Variants in SUN3 observed in about 807,000 individuals in gnomAD.
The protein encoded by SUN3 is Sad1 and UNC84 domain containing 3, also known as SUN domain-containing protein 3.
A neutral mutation model predicts 48.2 loss-of-function variants in SUN3; 36 were observed. That is an observed-to-expected ratio of 0.75 (90% CI 0.57 to 0.99). The LOEUF (loss-of-function observed/expected upper bound fraction) is 0.99, where lower values mean the gene tolerates loss of function less well. SUN3 is among the 50% of genes least tolerant of loss of function. The pLI, the probability that SUN3 is intolerant of heterozygous loss-of-function variation, is 0.00. For missense variants in SUN3, 419 were observed against 433.1 expected, an observed-to-expected ratio of 0.97 and a Z score of 0.29; for synonymous variants, 148 against 147.9, an observed-to-expected ratio of 1.00 and a Z score of 0.00.
chr7:48,006,339 C>T (rs1789524854), intron 5 of SUN3, among the ~76,000 whole-genome samples: 1 of 152,060 alleles, frequency 6.6e-6, no homozygotes, highest in Non-Finnish European at 1.5e-5. Flanking sequence ...GAAGCCCTAA[C>T]CACTGGCATC....
chr7:48,019,998 A>AAAAG (rs1789945793), intron 2 of SUN3, among the ~76,000 whole-genome samples: 3 of 147,884 alleles, frequency 2.0e-5, no homozygotes, highest in Admixed American at 6.7e-5. Context: ...AAAAAAAAAA[A>AAAAG]AAAGAAAGAA....
At chr7:47,993,535 G>T (rs745677856) in intron 8 of SUN3, among the ~76,000 whole-genome samples, 10 of 152,132 alleles carry the variant, frequency 6.6e-5, no homozygotes, top group Non-Finnish European at 1.3e-4. Flanking sequence ...AAAACAGTAT[G>T]CAAAGTTAAA....
chr7:47,992,201 A>C (rs1789085011), intron 8 of SUN3, among the ~76,000 whole-genome samples: 1 of 152,152 alleles, frequency 6.6e-6, no homozygotes. Flanking sequence ...CCGGCTTTGC[A>C]CCGCCTAGCA....
At position 48,000,897 on chromosome 7, in the gene SUN3, G is replaced by A. The variant is rs113064313; in HGVS notation, c.578-4751C>T. 3.0e-3 allele frequency among the ~76,000 whole-genome samples: 447 copies of A among 149,066 alleles called. 6 individuals carry two copies. Among genetic ancestry groups the A allele is most frequent in the African/African-American group, 0.01 (416 of 40,718 alleles). On this transcript the variant is annotated intron_variant, in intron 6 of 9. Coordinates refer to ENST00000297325, the MANE Select transcript of SUN3 (RefSeq NM_001030019.2). The stretch of plus-strand genomic sequence containing the variant: ...TTTTTTTTTAAATCGAGTTTGAGAT[G>A]TTTTTAGCTATTACGTCTTTAGATA...
chr7:47,990,868 T>C (rs754280774), intron 8 of SUN3: 248 of 356,632 alleles, frequency 7.0e-4, no homozygotes, highest in South Asian at 2.5e-3. Flanking sequence ...ACAAATACTC[T>C]ATGTTCTCAC....
chr7:48,026,583 C>A (rs1338837094), intron 1 of SUN3, among the ~76,000 whole-genome samples: 1 of 53,232 alleles, frequency 1.9e-5, no homozygotes, highest in Non-Finnish European at 5.8e-5. Context: ...CACCCCCCAA[C>A]ACACACACAC....
chr7:48,007,033 G>A (rs1242065130), intron 5 of SUN3, 132 bp downstream of exon 5: 1 of 849,758 alleles, frequency 1.2e-6, no homozygotes, highest in African/African-American at 1.7e-5. Flanking sequence ...CCAAATATCA[G>A]TCAACACTGG....
In SUN3 at chr7:48,003,766, G is replaced by C. The variant is rs529454356; in HGVS notation, c.577+2203C>G. Among the ~76,000 whole-genome samples the C allele has an allele frequency of 4.2e-4, 64 of 152,316 alleles. 1 individual carries two copies. In the South Asian group the frequency reaches 5.8e-3, roughly 14 times the overall value. On this transcript the variant is annotated intron_variant, in intron 6 of 9. Transcript: ENST00000297325. Reference sequence around the variant, plus strand: ...TTTGCACATTGATTTTGCATCCTGAGACTTTGCTGAAGTTGTTTATCAGCT... The same window carrying C: ...TTTGCACATTGATTTTGCATCCTGACACTTTGCTGAAGTTGTTTATCAGCT...
chr7:48,029,014 T>C lies in SUN3; in HGVS notation c.-76A>G. 1.3e-6 allele frequency: 2 copies of C among 1,597,464 alleles called. No individual in the cohort carries two copies. The highest frequency in any genetic ancestry group is 8.5e-7 in the Non-Finnish European group (1 of 1,172,668). On this transcript the variant is annotated 5_prime_UTR_variant, in exon 1 of 10. It removes an upstream start codon present in the reference 5' UTR. Transcript: ENST00000297325. ...CCTCATTCCTATTTTATGAAAAACA[T>C]GAAGCTATACATACAGTTTCTAAAT... is the stretch of plus-strand genomic sequence containing the variant.
chr7:48,026,105 T>A (rs535331348), intron 1 of SUN3, among the ~76,000 whole-genome samples, 167 bp from the exon 2 acceptor site: 104 of 152,242 alleles, frequency 6.8e-4, no homozygotes, highest in Non-Finnish European at 1.3e-3. Context: ...TTTTTTAAAT[T>A]GAGAGAAGAT....
Position 48,015,337 on chromosome 7 carries a change from A to T in SUN3, c.288+1925T>A, listed in dbSNP as rs74410102. ...TGCTTTTGTCTAAGACTGGGGTCTCACAGATTCTCAGCATATGCAGACTGA... is the reference window on the plus strand; with the variant it reads ...TGCTTTTGTCTAAGACTGGGGTCTCTCAGATTCTCAGCATATGCAGACTGA... On this transcript the variant is annotated intron_variant, in intron 3 of 9. Transcript: ENST00000297325. 4.1e-4 allele frequency among the ~76,000 whole-genome samples: 62 copies of T among 152,272 alleles called. No homozygotes were observed. In the East Asian group the frequency reaches 0.012, roughly 29 times the overall value.
At chr7:47,995,179 A>G (rs552180698) in intron 7 of SUN3, among the ~76,000 whole-genome samples, 2 of 140,676 alleles carry the variant, frequency 1.4e-5, no homozygotes, top group African/African-American at 2.7e-5. Flanking sequence ...TGACAGTGAT[A>G]GTGGTGGTGG....
intron 3 of SUN3, among the ~76,000 whole-genome samples, chr7:48,015,127 T>G (rs1184847767): frequency 6.6e-6 from 1 of 152,162 alleles, no homozygotes; most frequent in African/African-American, 2.4e-5. Flanking sequence ...CAACGAAGCT[T>G]AGGCACAAAT....
chr7:48,028,872 C>G lies in SUN3; in HGVS notation c.67G>C (p.Gly23Arg), dbSNP rs756625394. ...AACAAAGCATTGCCACTGGCGCTAC[C>G]GCTGGCGTCTTCAGAGCAACGTCTA... is the stretch of plus-strand genomic sequence containing the variant. ...FFRRCSEDASGSASGNALLSE... is the reference protein window; with the variant it reads ...FFRRCSEDASRSASGNALLSE... Residue 23 changes from glycine to arginine, a missense_variant, in exon 1 of 10, where the codon GGT becomes CGT. By Grantham distance (125) the Gly-to-Arg change is moderately radical. Coordinates refer to ENST00000297325, the MANE Select transcript of SUN3 (RefSeq NM_001030019.2). 22 of 1,613,842 alleles carry G rather than the reference C, an allele frequency of 1.4e-5. No individual in the cohort carries two copies. In the East Asian group the frequency reaches 1.6e-4, roughly 11 times the overall value.
intron 8 of SUN3, among the ~76,000 whole-genome samples, chr7:47,990,130 G>A (rs540953111): frequency 3.9e-5 from 6 of 152,112 alleles, no homozygotes; most frequent in African/African-American, 1.4e-4. Flanking sequence ...AAAGAGGAAG[G>A]CCTCTTTGCA....
At chr7:48,004,241 T>A (rs1008289673) in intron 6 of SUN3, among the ~76,000 whole-genome samples, 3 of 152,234 alleles carry the variant, frequency 2.0e-5, no homozygotes, top group Non-Finnish European at 4.4e-5. Context: ...CTTATTTCCG[T>A]AGGAGTTTGC....
At chr7:48,034,217 C>G in the SUN3 span, among the ~76,000 whole-genome samples, 2 of 152,182 alleles carry the variant, frequency 1.3e-5, no homozygotes, top group African/African-American at 4.8e-5. Flanking sequence ...GTCTTGATTA[C>G]TCATGACTGG....
At chr7:48,014,474 G>T (rs1188440419) in intron 3 of SUN3, among the ~76,000 whole-genome samples, 3 of 152,184 alleles carry the variant, frequency 2.0e-5, no homozygotes, top group Admixed American at 2.0e-4. Context: ...AAGAGAGCTG[G>T]TAAAGAAATC....
At chr7:48,019,736 G>A (rs1789913510) in intron 2 of SUN3, among the ~76,000 whole-genome samples, 1 of 151,746 alleles carries the variant, frequency 6.6e-6, no homozygotes, top group East Asian at 1.9e-4. Context: ...GAACCAGAAA[G>A]AAATTCAAAA....
Sources: gnomAD v4.1 joint callset for allele counts (sites outside exome capture counted in the v4.1 genomes callset) on GRCh38, gnomAD v4.1.1 for gene constraint, MANE v1.5 for transcripts, NCBI Gene and HGNC (gene_info 2026-07-23, HGNC 2026-07-21) for gene names.